The following BMPER variants were observed in gnomAD, a reference collection of about 807,000 sequenced individuals.
BMPER encodes BMP-binding endothelial regulator protein.
Under a neutral mutation model 87.3 loss-of-function variants are expected in BMPER, and 45 were observed. That is an observed-to-expected ratio of 0.52 (90% confidence interval 0.41 to 0.66). BMPER has a LOEUF of 0.66. BMPER is among the 30% of genes least tolerant of loss of function. The probability of loss-of-function intolerance (pLI) is 0.00; values close to 1 mark genes in which losing one functional copy is unlikely to be tolerated. For missense variants in BMPER, 784 were observed against 867.5 expected (o/e 0.90, Z 1.21); for synonymous variants, 326 against 316.2 (o/e 1.03, Z -0.33).
intron 14 of BMPER, among the ~76,000 whole-genome samples, chr7:34,146,643 T>G (rs1195612704): frequency 6.6e-6 from 1 of 152,170 alleles, no homozygotes; most frequent in African/African-American, 2.4e-5. Flanking sequence ...ACCCACATTT[T>G]ACTCAGAGGG....
chr7:33,924,414 A>G (rs1463307067), intron 2 of BMPER, among the ~76,000 whole-genome samples: 2 of 152,160 alleles, frequency 1.3e-5, no homozygotes, highest in East Asian at 1.9e-4. Context: ...CACTACCTAC[A>G]TGGCCCTGCG....
intron 6 of BMPER, among the ~76,000 whole-genome samples, chr7:33,984,671 C>T (rs544509819): frequency 4.9e-4 from 74 of 152,242 alleles, no homozygotes; most frequent in African/African-American, 1.7e-3. Context: ...GTTACTTTCT[C>T]TTATCTGTCT....
intron 6 of BMPER, among the ~76,000 whole-genome samples, chr7:34,029,712 G>A (rs536319905): frequency 1.3e-5 from 2 of 152,142 alleles, no homozygotes; most frequent in Admixed American, 6.5e-5. Context: ...GCCTCCCAGA[G>A]CAGGACTAAG....
rs1034333890 is a variant in BMPER at position 33,969,695 on chromosome 7, G to A, written c.403-634G>A. Among the ~76,000 whole-genome samples, 6 of 152,156 alleles carry A rather than the reference G, an allele frequency of 3.9e-5. No individual in the cohort carries two copies. The East Asian group carries it at 5.8e-4, about 15-fold the overall frequency. On this transcript the variant is annotated intron_variant, in intron 4 of 14. Coordinates refer to ENST00000649409, the MANE Select transcript of BMPER (RefSeq NM_001365308.1). ...ATTATAGGCGTGAGCCACTGCGTCC[G>A]GCCACTTGATTTTATTATTAAGCCC...
chr7:34,132,846 G>A (rs1321632758), intron 13 of BMPER, among the ~76,000 whole-genome samples: 1 of 152,170 alleles, frequency 6.6e-6, no homozygotes, highest in African/African-American at 2.4e-5. Context: ...GCAACACGCT[G>A]ATACTTTTGG....
In BMPER at chr7:34,120,585, A is replaced by G. The variant is rs905286716; in HGVS notation, c.1746-22645A>G. On this transcript the variant is annotated intron_variant, in intron 13 of 14. Transcript: ENST00000649409. ...GGCTAATTTTGTGTTTTTCGTAGAGATGAGGTTTCTCCGTATTGGTCAGGC... is the reference window on the plus strand; with the variant it reads ...GGCTAATTTTGTGTTTTTCGTAGAGGTGAGGTTTCTCCGTATTGGTCAGGC... 7.2e-5 allele frequency among the ~76,000 whole-genome samples: 11 copies of G among 152,102 alleles called. 1 individual carries two copies. Among genetic ancestry groups the G allele is most frequent in the Admixed American group, 7.2e-4 (11 of 15,262 alleles).
intron 6 of BMPER, among the ~76,000 whole-genome samples, chr7:33,977,492 C>T (rs1179069977): frequency 6.6e-6 from 1 of 152,064 alleles, no homozygotes; most frequent in Non-Finnish European, 1.5e-5. Context: ...CGTGAGAGGG[C>T]AAAGCTGGAG....
At chr7:33,953,069 T>G (rs1366189133) in intron 3 of BMPER, among the ~76,000 whole-genome samples, 4 of 152,208 alleles carry the variant, frequency 2.6e-5, no homozygotes, top group African/African-American at 9.6e-5. Context: ...GCTGAACACA[T>G]GAGGCAGTCC....
At chr7:34,048,689 G>A (rs548049145) in intron 7 of BMPER, among the ~76,000 whole-genome samples, 1 of 152,310 alleles carries the variant, frequency 6.6e-6, no homozygotes, top group South Asian at 2.1e-4. Context: ...ATGAGCAACA[G>A]CTACTGTATT....
intron 11 of BMPER, among the ~76,000 whole-genome samples, chr7:34,070,836 T>TA (rs1554313845): frequency 6.8e-6 from 1 of 147,798 alleles, no homozygotes; most frequent in African/African-American, 2.5e-5. Flanking sequence ...TTTTTTTTTT[T>TA]AATTTCTACT....
rs527969486 is a variant in BMPER at position 34,137,412 on chromosome 7, T to C, written c.1746-5818T>C. Among the ~76,000 whole-genome samples, 12 of 152,352 alleles carry C rather than the reference T, an allele frequency of 7.9e-5. No individual in the cohort carries two copies. In the East Asian group the frequency reaches 2.3e-3, roughly 29 times the overall value. On this transcript the variant is annotated intron_variant, in intron 13 of 14. Transcript: ENST00000649409. ...TCCAGCTGTCCAATCCTGTGGAAGCTGGGAAAAGGTCATGAGGTTACTCTC... is the reference window on the plus strand; with the variant it reads ...TCCAGCTGTCCAATCCTGTGGAAGCCGGGAAAAGGTCATGAGGTTACTCTC...
At chr7:33,919,054 G>A (rs1018909134) in intron 2 of BMPER, among the ~76,000 whole-genome samples, 11 of 152,174 alleles carry the variant, frequency 7.2e-5, no homozygotes, top group Admixed American at 4.6e-4. Context: ...ATGGGTGCAC[G>A]TGTGTGGGGG....
intron 2 of BMPER, among the ~76,000 whole-genome samples, chr7:33,933,655 G>T (rs1384892902): frequency 6.6e-6 from 1 of 152,092 alleles, no homozygotes; most frequent in Non-Finnish European, 1.5e-5. Context: ...AAAACAGCTG[G>T]TGTCTGCAGA....
intron 9 of BMPER, among the ~76,000 whole-genome samples, chr7:34,056,452 G>T (rs771354053): frequency 6.6e-6 from 1 of 151,924 alleles, no homozygotes; most frequent in South Asian, 2.1e-4. Flanking sequence ...AACACATAAG[G>T]TGTCATGCCC....
At chr7:34,124,449 GTTTTTTT>G (rs34998655) in intron 13 of BMPER, among the ~76,000 whole-genome samples, 2 of 147,008 alleles carry the variant, frequency 1.4e-5, no homozygotes, top group African/African-American at 5.0e-5. Context: ...GCATTGTAAA[GTTTTTTT>G]TTTTTTTGTG....
chr7:34,051,730 ACTCTATTTTTGTG>A, intron 7 of BMPER, 118 bp from the exon 8 acceptor site: 1 of 784,142 alleles, frequency 1.3e-6, no homozygotes, highest in Non-Finnish European at 2.2e-6. Flanking sequence ...CTGACCCAAG[ACTCTATTTTTGTG>A]CTCCAGACTT....
At chr7:33,905,169 G>T (rs1783773925), upstream of BMPER, 2 of 259,562 alleles carry the variant, frequency 7.7e-6, no homozygotes, top group East Asian at 2.2e-4. Flanking sequence ...AGTGGAGGAC[G>T]CTGCGGCAGC....
intron 6 of BMPER, among the ~76,000 whole-genome samples, chr7:33,977,013 TC>T (rs1245180068): frequency 2.0e-5 from 3 of 152,184 alleles, no homozygotes; most frequent in Non-Finnish European, 4.4e-5. Context: ...TGCAGTGCCA[TC>T]CTCAGCACTC....
At chr7:33,933,461 T>TTA (rs1784528399) in intron 2 of BMPER, among the ~76,000 whole-genome samples, 1 of 149,566 alleles carries the variant, frequency 6.7e-6, no homozygotes, top group Non-Finnish European at 1.5e-5. Flanking sequence ...TTTTTTTTTT[T>TTA]AGAGTATTCT....
Sources: allele counts gnomAD v4.1 joint callset (sites outside exome capture counted in the v4.1 genomes callset), GRCh38; gene constraint gnomAD v4.1.1; transcripts MANE v1.5; gene names NCBI Gene and HGNC (gene_info 2026-07-23, HGNC 2026-07-21).